The following MGAT4D variants were observed in gnomAD, a reference collection of about 807,000 sequenced individuals.
MGAT4D encodes alpha-1,3-mannosyl-glycoprotein 4-beta-N-acetylglucosaminyltransferase-like protein MGAT4D.
MGAT4D carries 34 observed loss-of-function variants against 15.9 expected under a neutral mutation model. The ratio of observed to expected loss-of-function variants is 2.14; its 90% confidence interval spans 1.62 to 2.84. MGAT4D has a LOEUF of 2.84. MGAT4D is among the 30% of genes most tolerant of loss of function. MGAT4D has a pLI of 0.00. For missense variants in MGAT4D, 327 were observed against 140.2 expected (o/e 2.33, Z -6.73); for synonymous variants, 112 against 48.2 (o/e 2.33, Z -5.49).
chr4:140,475,176 A>G (rs2126795839), intron 3 of MGAT4D, among the ~76,000 whole-genome samples: 1 of 152,312 alleles, frequency 6.6e-6, no homozygotes, highest in South Asian at 2.1e-4. Context: ...ACAGACTCCA[A>G]GATGTTCTTA....
intron 3 of MGAT4D, among the ~76,000 whole-genome samples, chr4:140,475,973 G>A (rs573593773): frequency 2.0e-5 from 3 of 151,816 alleles, no homozygotes; most frequent in Admixed American, 6.6e-5. Flanking sequence ...CACCATGCCC[G>A]GCTAACTTTT....
Position 140,442,937 on chromosome 4 carries a change from A to T in MGAT4D, c.*499T>A, listed in dbSNP as rs1166583359. On this transcript the variant is annotated 3_prime_UTR_variant, in exon 11 of 11. Coordinates refer to ENST00000511113, the MANE Select transcript of MGAT4D (RefSeq NM_001277353.2). ...ATCAAGATGTTTGATAATCGGTTCA[A>T]ATGGCACATAGGGATAAGTTTATAG... 1 of 152,192 alleles carries T rather than the reference A, an allele frequency of 6.6e-6. No homozygotes were observed. Among genetic ancestry groups the T allele is most frequent in the African/African-American group, 2.4e-5 (1 of 41,460 alleles). 9.4% of individuals were successfully genotyped at this position (152,192 alleles called of 1,614,324 possible).
intron 1 of MGAT4D, among the ~76,000 whole-genome samples, chr4:140,490,851 C>T (rs140585677): frequency 2.6e-5 from 4 of 152,136 alleles, no homozygotes; most frequent in Non-Finnish European, 4.4e-5. Context: ...TTTTAGTAAC[C>T]ATCAAGTTGA....
chr4:140,471,280 TTCCTTC>T (rs1173820748), intron 5 of MGAT4D, among the ~76,000 whole-genome samples: 53 of 148,626 alleles, frequency 3.6e-4, no homozygotes, highest in Non-Finnish European at 6.4e-4. Context: ...CCTTCCTTCC[TTCCTTC>T]TCTCTCTTTT....
chr4:140,460,328 GT>G (rs1731092216), intron 7 of MGAT4D, among the ~76,000 whole-genome samples: 1 of 152,096 alleles, frequency 6.6e-6, no homozygotes, highest in Non-Finnish European at 1.5e-5. Context: ...CAAGAACAAG[GT>G]GCTAGCAGGC....
intron 1 of MGAT4D, among the ~76,000 whole-genome samples, chr4:140,490,098 A>G (rs570693993): frequency 6.6e-6 from 1 of 152,346 alleles, no homozygotes; most frequent in African/African-American, 2.4e-5. Context: ...TTCCTGATTT[A>G]AGGAACAGAA....
chr4:140,460,155 G>C (rs1731079890), intron 7 of MGAT4D, among the ~76,000 whole-genome samples: 2 of 152,162 alleles, frequency 1.3e-5, no homozygotes, highest in Admixed American at 6.5e-5. Context: ...ATCCCTCTTT[G>C]AAAGAGTCTC....
chr4:140,473,890 G>A (rs956654953), intron 4 of MGAT4D, among the ~76,000 whole-genome samples: 3 of 151,066 alleles, frequency 2.0e-5, no homozygotes, highest in African/African-American at 7.3e-5. Flanking sequence ...TAGTAGAGAT[G>A]GGGGTCTCGC....
intron 1 of MGAT4D, among the ~76,000 whole-genome samples, chr4:140,486,266 A>G (rs1733121238): frequency 7.1e-6 from 1 of 140,412 alleles, no homozygotes; most frequent in African/African-American, 2.7e-5. Flanking sequence ...AAGGTCCCTA[A>G]TTTCATTGTT....
intron 9 of MGAT4D, among the ~76,000 whole-genome samples, chr4:140,452,023 C>T (rs1290654358): frequency 6.7e-6 from 1 of 149,818 alleles, no homozygotes; most frequent in African/African-American, 2.5e-5. Flanking sequence ...GAAGGATGAC[C>T]TATGGCACCA....
At chr4:140,449,264 A>G (rs1730319054) in intron 10 of MGAT4D, among the ~76,000 whole-genome samples, 1 of 152,230 alleles carries the variant, frequency 6.6e-6, no homozygotes, top group Admixed American at 6.5e-5. Context: ...GACATAGAAT[A>G]TGAAATGATA....
chr4:140,496,888 A>G (rs564498745), intron 1 of MGAT4D, among the ~76,000 whole-genome samples: 61 of 152,310 alleles, frequency 4.0e-4, no homozygotes, highest in African/African-American at 1.4e-3. Flanking sequence ...ATTAAAAGAA[A>G]TCATTTATTT....
At chr4:140,488,056 C>G (rs1733259178) in intron 1 of MGAT4D, among the ~76,000 whole-genome samples, 2 of 152,184 alleles carry the variant, frequency 1.3e-5, no homozygotes, top group Non-Finnish European at 1.5e-5. Context: ...ATCATTGATA[C>G]TACCATAGCT....
intron 1 of MGAT4D, among the ~76,000 whole-genome samples, chr4:140,490,424 C>T (rs1030268397): frequency 5.9e-5 from 9 of 152,152 alleles, no homozygotes; most frequent in Admixed American, 2.6e-4. Context: ...AGAACCTGAA[C>T]GCTGGAACTC....
intron 5 of MGAT4D, 93 bp from the exon 6 acceptor site, chr4:140,465,102 C>T (rs1175530679): frequency 1.7e-6 from 1 of 581,178 alleles, no homozygotes; most frequent in Non-Finnish European, 3.1e-6. Flanking sequence ...TGCATGGCCA[C>T]ATAATATTTG....
rs1263289380 is a variant in MGAT4D, at chr4:140,464,998, T to G, written c.584A>C (p.Gln195Pro). ...GACCTCTAAGGATCCAGACCTCACTTGCCTTTTGAATCTATAAATAGAAGT... is the reference window on the plus strand; with the variant it reads ...GACCTCTAAGGATCCAGACCTCACTGGCCTTTTGAATCTATAAATAGAAGT... ...VKMITKKFKR[Q>P]VRSGSLEVIS... Residue 195 changes from glutamine (Q) to proline (P), a missense_variant, in exon 6 of 11, where the codon CAA becomes CCA. By Grantham distance (76) the Gln-to-Pro change is moderately conservative. Coordinates refer to ENST00000511113, the MANE Select transcript of MGAT4D (RefSeq NM_001277353.2). 1.4e-6 allele frequency: 1 copy of G among 701,808 alleles called. No individual in the cohort carries two copies. The allele number at this position is 701,808 out of a possible 1,614,324, so 43.5% of individuals were successfully genotyped here. A position where few individuals can be genotyped will look rare whatever the true frequency, so the allele number is the denominator to read the frequency against.
Position 140,443,341 on chromosome 4 carries a change from T to C in MGAT4D, c.*95A>G. The C allele has an allele frequency of 2.4e-6, 1 of 424,306 alleles. No individual in the cohort carries two copies. The highest frequency in any genetic ancestry group is 4.3e-5 in the Admixed American group (1 of 23,062). The allele number at this position is 424,306 out of a possible 1,614,324, so 26.3% of individuals were successfully genotyped here. A position where few individuals can be genotyped will look rare whatever the true frequency, so the allele number is the denominator to read the frequency against. On this transcript the variant is annotated 3_prime_UTR_variant, in exon 11 of 11. Transcript: ENST00000511113. ...CATTGTTTACTTATCTGCTAGATAA[T>C]TATGTATTTTCATTACTACAATTTC... is the stretch of plus-strand genomic sequence containing the variant.
In MGAT4D at chr4:140,486,785, A is replaced by C. The variant is rs190345760; in HGVS notation, c.95-4300T>G. Among the ~76,000 whole-genome samples the C allele has an allele frequency of 7.2e-5, 11 of 152,358 alleles. No individual in the cohort carries two copies. The East Asian group carries it at 1.9e-3, about 27-fold the overall frequency. On this transcript the variant is annotated intron_variant, in intron 1 of 10. Coordinates refer to ENST00000511113, the MANE Select transcript of MGAT4D (RefSeq NM_001277353.2). The stretch of plus-strand genomic sequence containing the variant: ...ATTTTAGTGATTCTTAAACTGAATC[A>C]TGCTTTAATCAAAAGAACTGCACCT...
rs1374232006 is a variant in MGAT4D, at chr4:140,443,192, T to TA, written c.*243dup. The TA allele has an allele frequency of 9.2e-5, 20 of 218,556 alleles. No individual in the cohort carries two copies. The highest frequency in any genetic ancestry group is 2.1e-4 in the East Asian group (2 of 9,744). The allele number at this position is 218,556 out of a possible 1,614,324, so 13.5% of individuals were successfully genotyped here. A position where few individuals can be genotyped will look rare whatever the true frequency, so the allele number is the denominator to read the frequency against. ...AGTCAATAAAGTGCAGTTCTTAATTTAAAAAAAACTTCCTTGCCTTTAGTA... is the reference window on the plus strand; with the variant it reads ...AGTCAATAAAGTGCAGTTCTTAATTTAAAAAAAAACTTCCTTGCCTTTAGTA... On this transcript the variant is annotated 3_prime_UTR_variant, in exon 11 of 11. Coordinates refer to ENST00000511113, the MANE Select transcript of MGAT4D (RefSeq NM_001277353.2).
Sources: allele counts gnomAD v4.1 joint callset (sites outside exome capture counted in the v4.1 genomes callset), GRCh38; gene constraint gnomAD v4.1.1; transcripts MANE v1.5; gene names NCBI Gene and HGNC (gene_info 2026-07-23, HGNC 2026-07-21).